The following SRSF10 variants were observed in gnomAD, a reference collection of about 807,000 sequenced individuals.
The protein encoded by SRSF10 is serine and arginine rich splicing factor 10, also known as serine/arginine-rich splicing factor 10.
Under a neutral mutation model 32.6 loss-of-function variants are expected in SRSF10, and 9 were observed. The ratio of observed to expected loss-of-function variants is 0.28; its 90% CI spans 0.17 to 0.48. The LOEUF is 0.48. SRSF10 is among the 20% of genes least tolerant of loss of function. The pLI, the probability that SRSF10 is intolerant of heterozygous loss-of-function variation, is 0.99. For missense variants in SRSF10, 201 were observed against 331.8 expected, an observed-to-expected ratio of 0.61 and a Z score of 3.06; for synonymous variants, 105 against 112.4, an observed-to-expected ratio of 0.93 and a Z score of 0.42.
At position 23,974,910 on chromosome 1, in the gene SRSF10, T is replaced by TA. The variant is rs544220117; in HGVS notation, c.274+63dup. ...CAGAAACACAAATTGCTTAAATTCT[T>TA]AAAAAAAAATCTCAAAACACTAAAA... On this transcript the variant is annotated intron_variant, in intron 3 of 5. Coordinates refer to ENST00000492112, the MANE Select transcript of SRSF10 (RefSeq NM_054016.4). 5,857 of 1,229,520 alleles carry TA rather than the reference T, an allele frequency of 4.8e-3. 144 individuals carry two copies. The African/African-American group carries it at 0.063, about 13-fold the overall frequency. The allele number at this position is 1,229,520 out of a possible 1,614,324, so 76.2% of individuals were successfully genotyped here.
At chr1:23,972,389 A>G (rs1366769632) in intron 3 of SRSF10, among the ~76,000 whole-genome samples, 2 of 142,912 alleles carry the variant, frequency 1.4e-5, no homozygotes, top group Admixed American at 1.4e-4. Flanking sequence ...GGGGTCAGAG[A>G]CCCTGTCTCC....
Position 23,968,060 on chromosome 1 carries a change from AG to A in SRSF10, c.*3081del. 1.3e-6 allele frequency: 2 copies of A among 1,516,754 alleles called. No individual in the cohort carries two copies. The highest frequency in any genetic ancestry group is 1.8e-6 in the Non-Finnish European group (2 of 1,138,620). The allele number at this position is 1,516,754 out of a possible 1,614,324, so 94.0% of individuals were successfully genotyped here. A position where few individuals can be genotyped will look rare whatever the true frequency, so the allele number is the denominator to read the frequency against. ...GATATAACCATTCTATTTATCATTG[AG>A]CCCAGTCATACACAGTAGGTAAACT... On this transcript the variant is annotated 3_prime_UTR_variant, in exon 6 of 6. Coordinates refer to ENST00000492112, the MANE Select transcript of SRSF10 (RefSeq NM_054016.4).
At chr1:23,975,343 G>C in intron 2 of SRSF10, 1 of 345,074 alleles carries the variant, frequency 2.9e-6, no homozygotes, top group Non-Finnish European at 5.2e-6. Context: ...TGTTATAGCT[G>C]AATCACCAAG....
Position 23,970,159 on chromosome 1 carries a change from C to G in SRSF10, c.*983G>C, listed in dbSNP as rs1641658540. On this transcript the variant is annotated 3_prime_UTR_variant, in exon 6 of 6. Transcript: ENST00000492112. ...TTTTCCTTAAAATTATTTTTGCCAT[C>G]AACGACCTGCTCAAATTTTAAGGTG... 1.0e-6 allele frequency: 1 copy of G among 985,260 alleles called. No homozygotes were observed. The highest frequency in any genetic ancestry group is 1.2e-6 in the Non-Finnish European group (1 of 829,936). The allele number at this position is 985,260 out of a possible 1,614,324, so 61.0% of individuals were successfully genotyped here.
At chr1:23,979,211 T>C (rs1409909445) in intron 1 of SRSF10, among the ~76,000 whole-genome samples, 1 of 152,160 alleles carries the variant, frequency 6.6e-6, no homozygotes, top group Non-Finnish European at 1.5e-5. Flanking sequence ...ATCGAACTTC[T>C]TAAATAGTTA....
At position 23,971,967 on chromosome 1, in the gene SRSF10, G is replaced by T. The variant is rs2148501143; in HGVS notation, c.320C>A (p.Ser107Tyr). 3 of 1,577,386 alleles carry T rather than the reference G, an allele frequency of 1.9e-6. No homozygotes were observed. The highest frequency in any genetic ancestry group is 2.6e-6 in the Non-Finnish European group (3 of 1,167,540). ...KAKEGRNVYS[S>Y]SRYDDYDRYR... The stretch of plus-strand genomic sequence containing the variant: ...TCTGTCATAATCATCATAGCGTGAA[G>T]AACTGTACACATTCCTCCCTTCCTT... Residue 107 changes from serine to tyrosine, a missense_variant, in exon 4 of 6, where the codon TCT becomes TAT. Around this residue, in one of 3 missense-constraint regions of SRSF10, gnomAD observed 159 missense variants for 196.7 expected, o/e 0.81. Coordinates refer to ENST00000492112, the MANE Select transcript of SRSF10 (RefSeq NM_054016.4).
At chr1:23,980,170 G>A (rs938589686) in intron 1 of SRSF10, 21 bp downstream of exon 1, 1 of 1,532,716 alleles carries the variant, frequency 6.5e-7, no homozygotes, top group Non-Finnish European at 8.8e-7. Flanking sequence ...CCTAGGCCCG[G>A]AGTACCTGCC....
Position 23,978,824 on chromosome 1 carries a change from C to T in SRSF10, c.66-7G>A. ...ACGCCGCAAGTCTTCAGACCTAAAA[C>T]ATCATAAAAAGACCTCAAATTTTTA... On this transcript the variant is annotated splice_region_variant and splice_polypyrimidine_tract_variant and intron_variant, in intron 1 of 5. Coordinates refer to ENST00000492112, the MANE Select transcript of SRSF10 (RefSeq NM_054016.4). The T allele has an allele frequency of 1.3e-6, 2 of 1,595,566 alleles. No individual in the cohort carries two copies. The highest frequency in any genetic ancestry group is 1.7e-5 in the Admixed American group (1 of 57,872).
intron 1 of SRSF10, among the ~76,000 whole-genome samples, chr1:23,979,758 T>C (rs1642334312): frequency 6.6e-6 from 1 of 151,950 alleles, no homozygotes; most frequent in African/African-American, 2.4e-5. Flanking sequence ...GTAGCAACAT[T>C]CCTCTCCCTC....
chr1:23,973,601 G>A (rs1351371183), intron 3 of SRSF10, among the ~76,000 whole-genome samples: 3 of 152,118 alleles, frequency 2.0e-5, no homozygotes, highest in African/African-American at 7.2e-5. Flanking sequence ...GATTACAGGC[G>A]TGAGCTACCA....
rs1370176277 is a variant in SRSF10 at position 23,967,545 on chromosome 1, T to C, written c.*3597A>G. ...TTCAATTATTCCATGTAGTTTTCGATAACATTCTTTTATCTTTTCAGACCA... is the reference window on the plus strand; with the variant it reads ...TTCAATTATTCCATGTAGTTTTCGACAACATTCTTTTATCTTTTCAGACCA... On this transcript the variant is annotated 3_prime_UTR_variant, in exon 6 of 6. Transcript: ENST00000492112. The C allele has an allele frequency of 1.7e-6, 1 of 603,410 alleles. No individual in the cohort carries two copies. Among genetic ancestry groups the C allele is most frequent in the African/African-American group, 1.8e-5 (1 of 54,886 alleles). The allele number at this position is 603,410 out of a possible 1,614,324, so 37.4% of individuals were successfully genotyped here.
rs1478107775 is a variant in SRSF10, at chr1:23,970,336, A to C, written c.*806T>G. On this transcript the variant is annotated 3_prime_UTR_variant, in exon 6 of 6. Transcript: ENST00000492112. The stretch of plus-strand genomic sequence containing the variant: ...AAGAACTAATCCACACTGCATCAAA[A>C]ATAATTATCATTGGCCTAGACATCC... The C allele has an allele frequency of 1.4e-3, 1,350 of 983,554 alleles. 3 individuals carry two copies. The highest frequency in any genetic ancestry group is 1.6e-3 in the Non-Finnish European group (1,306 of 829,572). The allele number at this position is 983,554 out of a possible 1,614,324, so 60.9% of individuals were successfully genotyped here.
Position 23,965,374 on chromosome 1 carries a change from T to TA in SRSF10, c.*5767dup, listed in dbSNP as rs1342764159. 3.9e-5 allele frequency: 6 copies of TA among 151,986 alleles called. No individual in the cohort carries two copies. The highest frequency in any genetic ancestry group is 1.3e-4 in the Admixed American group (2 of 15,268). 9.4% of individuals were successfully genotyped at this position (151,986 alleles called of 1,614,324 possible). A position where few individuals can be genotyped will look rare whatever the true frequency, so the allele number is the denominator to read the frequency against. On this transcript the variant is annotated 3_prime_UTR_variant, in exon 6 of 6. Transcript: ENST00000492112. ...AGAATGAGATTTGGAAAGCCATGCT[T>TA]AGAGTCTCTGAGCCACACAACCATA...
intron 4 of SRSF10, 66 bp downstream of exon 4, chr1:23,971,783 TA>T (rs555665769): frequency 7.3e-5 from 109 of 1,498,736 alleles, no homozygotes; most frequent in Middle Eastern, 1.9e-4. Context: ...TACAAAATAG[TA>T]AAAAAAAATT....
At chr1:23,979,813 A>G (rs1642338834) in intron 1 of SRSF10, among the ~76,000 whole-genome samples, 1 of 152,096 alleles carries the variant, frequency 6.6e-6, no homozygotes, top group African/African-American at 2.4e-5. Flanking sequence ...GGGAAAAAAA[A>G]AAATCTCTGG....
Position 23,968,017 on chromosome 1 carries a change from A to T in SRSF10, c.*3125T>A. 1.3e-6 allele frequency: 2 copies of T among 1,535,288 alleles called. No homozygotes were observed. Among genetic ancestry groups the T allele is most frequent in the Non-Finnish European group, 1.7e-6 (2 of 1,145,588 alleles). On this transcript the variant is annotated 3_prime_UTR_variant, in exon 6 of 6. Transcript: ENST00000492112. Reference sequence around the variant, plus strand: ...AGTAAAAGGAGAGGTGAAGTGTGTCAGCCCTCATTTGAGTGTTGATATAAC... The same window carrying T: ...AGTAAAAGGAGAGGTGAAGTGTGTCTGCCCTCATTTGAGTGTTGATATAAC...
intron 2 of SRSF10, among the ~76,000 whole-genome samples, chr1:23,978,481 A>G (rs1292827883): frequency 6.6e-6 from 1 of 152,218 alleles, no homozygotes; most frequent in Non-Finnish European, 1.5e-5. Flanking sequence ...AATCACATAT[A>G]TAATCATCGA....
In SRSF10 at chr1:23,980,279, C is replaced by G; in HGVS notation, c.-24G>C. ...ATGGCGGCGGCGTGTCTCGGCCGGG[C>G]GCACTAACGGGCTCAGCAAACCGTC... On this transcript the variant is annotated 5_prime_UTR_variant, in exon 1 of 6. Transcript: ENST00000492112. The G allele has an allele frequency of 4.1e-6, 6 of 1,460,638 alleles. No homozygotes were observed. The highest frequency in any genetic ancestry group is 5.5e-6 in the Non-Finnish European group (6 of 1,100,530). The allele number at this position is 1,460,638 out of a possible 1,614,324, so 90.5% of individuals were successfully genotyped here.
chr1:23,972,108 A>C, intron 3 of SRSF10, 96 bp from the exon 4 acceptor site: 1 of 1,073,682 alleles, frequency 9.3e-7, no homozygotes, highest in African/African-American at 1.7e-5. Context: ...CCCCTCTTAT[A>C]TCCCAAAGAG....
Sources: allele counts gnomAD v4.1 joint callset (sites outside exome capture counted in the v4.1 genomes callset), GRCh38; gene constraint gnomAD v4.1.1; regional missense constraint gnomAD v4.1.1; transcripts MANE v1.5; gene names NCBI Gene and HGNC (gene_info 2026-07-23, HGNC 2026-07-21).